SOD2: variants seen among roughly 807,000 people sequenced by gnomAD.
The protein encoded by SOD2 is superoxide dismutase 2.
In SOD2, 11 loss-of-function variants were observed where a neutral mutation model predicts 27.0. The observed-to-expected ratio is 0.41, with a 90% CI of 0.26 to 0.67. The LOEUF (loss-of-function observed/expected upper bound fraction) is 0.67, where lower values mean the gene tolerates loss of function less well. Among genes scored for constraint, SOD2 ranks in the 30% least tolerant of loss-of-function variants. The pLI, the probability that SOD2 is intolerant of heterozygous loss-of-function variation, is 0.34. For synonymous variants in SOD2, 105 were observed against 103.0 expected (o/e 1.02, Z -0.12); for missense variants, 250 against 274.5 (o/e 0.91, Z 0.63).
At chr6:159,728,988 GT>G (rs1486931802), upstream of SOD2, among the ~76,000 whole-genome samples, 1 of 152,168 alleles carries the variant, frequency 6.6e-6, no homozygotes, top group Non-Finnish European at 1.5e-5. Context: ...GCTCTTTTAT[GT>G]CTAGCTTTTC....
At position 159,758,118 on chromosome 6, in the gene SOD2, G is replaced by A. The variant is rs546105187; in HGVS notation, c.-336+2919C>T. Among the ~76,000 whole-genome samples the A allele has an allele frequency of 2.0e-5, 3 of 152,234 alleles. No homozygotes were observed. In the South Asian group the frequency reaches 6.2e-4, roughly 32 times the overall value. On this transcript the variant is annotated intron_variant, in intron 1 of 7. Transcript: ENST00000546087. The stretch of plus-strand genomic sequence containing the variant: ...CCTGTGATAAGAGAGGTGATAGAGT[G>A]GCTTCTGCATCTAATTGGTTTGAAT...
intron 1 of SOD2, chr6:159,712,818 A>G (rs1777853924): frequency 5.3e-6 from 3 of 565,972 alleles, no homozygotes; most frequent in Admixed American, 4.1e-5. Flanking sequence ...CTCTCCCATC[A>G]TTTGCCTACC....
chr6:159,741,464 C>G (rs1038870502), intron 1 of SOD2: 1 of 152,080 alleles, frequency 6.6e-6, no homozygotes, highest in Non-Finnish European at 1.5e-5. Flanking sequence ...TTCTAATATG[C>G]CTTTTGTTCT....
At chr6:159,740,183 T>A (rs1300668242) in intron 1 of SOD2, among the ~76,000 whole-genome samples, 2 of 152,092 alleles carry the variant, frequency 1.3e-5, no homozygotes, top group African/African-American at 4.8e-5. Context: ...TTGTATACTT[T>A]TTTTAATGCC....
intron 1 of SOD2, chr6:159,755,649 T>C: frequency 6.5e-7 from 1 of 1,530,570 alleles, no homozygotes; most frequent in Non-Finnish European, 8.8e-7. Flanking sequence ...GTCATTTAAT[T>C]TGGGAGAGGA....
chr6:159,714,103 T>G, intron 1 of SOD2: 2 of 566,332 alleles, frequency 3.5e-6, no homozygotes, highest in Non-Finnish European at 6.5e-6. Flanking sequence ...CAGAACTACT[T>G]CTGCTCACAT....
intron 1 of SOD2, among the ~76,000 whole-genome samples, chr6:159,698,700 A>T (rs1223852979): frequency 6.6e-6 from 1 of 152,064 alleles, no homozygotes; most frequent in Non-Finnish European, 1.5e-5. Flanking sequence ...GTTGACCGGC[A>T]ATAACATAAA....
At chr6:159,733,576 C>T (rs762141233) in intron 1 of SOD2, among the ~76,000 whole-genome samples, 2 of 150,874 alleles carry the variant, frequency 1.3e-5, no homozygotes, top group Non-Finnish European at 2.9e-5. Context: ...GAGCCATCAT[C>T]GCACCACTGC....
rs373161821 is a variant in SOD2, at chr6:159,755,405, G to A, written c.-336+5632C>T. The stretch of plus-strand genomic sequence containing the variant: ...AACTGGCAGAGGAGGTAGTGGTTAC[G>A]TAAATCAACTCAGTGCGGGGTATGA... On this transcript the variant is annotated intron_variant, in intron 1 of 7. Transcript: ENST00000546087. 10 of 1,614,040 alleles carry A rather than the reference G, an allele frequency of 6.2e-6. No individual in the cohort carries two copies. In the Admixed American group the frequency reaches 8.3e-5, roughly 13 times the overall value.
At chr6:159,688,944 A>T (rs1376770777) in intron 2 of SOD2, among the ~76,000 whole-genome samples, 2 of 152,112 alleles carry the variant, frequency 1.3e-5, no homozygotes, top group Non-Finnish European at 2.9e-5. Flanking sequence ...CCCTAACTCT[A>T]CTGCCACCTC....
At chr6:159,726,874 A>T in intron 1 of SOD2, 1 of 1,289,206 alleles carries the variant, frequency 7.8e-7, no homozygotes, top group Non-Finnish European at 1.0e-6. Flanking sequence ...GCTAAGAGTA[A>T]ACGCCCGCGG....
chr6:159,760,945 A>G (rs1780111377), intron 1 of SOD2: 1 of 152,432 alleles, frequency 6.6e-6, no homozygotes, highest in South Asian at 2.0e-4. Context: ...TTTCACCACT[A>G]TTCCAGACCC....
chr6:159,709,245 C>G (rs986747499), intron 1 of SOD2, among the ~76,000 whole-genome samples: 2 of 152,114 alleles, frequency 1.3e-5, no homozygotes, highest in African/African-American at 4.8e-5. Flanking sequence ...GCAATGGCAA[C>G]AAAAGCCAAA....
chr6:159,739,898 T>C (rs796275367), intron 1 of SOD2, among the ~76,000 whole-genome samples: 10 of 148,134 alleles, frequency 6.8e-5, no homozygotes, highest in African/African-American at 2.5e-4. Context: ...TTGCATACCT[T>C]TGTCTTTCTG....
chr6:159,687,183 G>A (rs1487812400), intron 3 of SOD2, among the ~76,000 whole-genome samples: 1 of 152,114 alleles, frequency 6.6e-6, no homozygotes, highest in East Asian at 1.9e-4. Context: ...GAAACTAGTA[G>A]ACAGAAAGTT....
chr6:159,698,285 A>ACAAT (rs1379848728), intron 1 of SOD2, among the ~76,000 whole-genome samples: 1 of 149,530 alleles, frequency 6.7e-6, no homozygotes, highest in Non-Finnish European at 1.5e-5. Flanking sequence ...AAACAAACAA[A>ACAAT]CAAACAAACA....
At chr6:159,719,414 G>A (rs1331132503) in intron 1 of SOD2, among the ~76,000 whole-genome samples, 1 of 152,054 alleles carries the variant, frequency 6.6e-6, no homozygotes, top group Non-Finnish European at 1.5e-5. Flanking sequence ...TGTAATCCCA[G>A]CTACTCAGGC....
chr6:159,747,714 A>G (rs1779656979), upstream of SOD2, among the ~76,000 whole-genome samples: 1 of 152,214 alleles, frequency 6.6e-6, no homozygotes. Flanking sequence ...TTAGGTAATT[A>G]ATATTTTAAA....
chr6:159,727,331 C>T (rs1414387634), exon 1 of SOD2: 8 of 1,255,874 alleles, frequency 6.4e-6, no homozygotes, highest in Non-Finnish European at 8.2e-6. Flanking sequence ...AGGCGACTCT[C>T]CTGTGAGTGG....
Sources: gnomAD v4.1 joint callset for allele counts (sites outside exome capture counted in the v4.1 genomes callset) on GRCh38, gnomAD v4.1.1 for gene constraint, MANE v1.5 for transcripts, NCBI Gene and HGNC (gene_info 2026-07-23, HGNC 2026-07-21) for gene names.